TGM5: variants seen among roughly 807,000 people sequenced by gnomAD.
TGM5 encodes protein-glutamine gamma-glutamyltransferase 5.
A neutral mutation model predicts 77.2 loss-of-function variants in TGM5; 69 were observed. The ratio of observed to expected loss-of-function variants is 0.89; its 90% CI spans 0.74 to 1.09. The LOEUF (loss-of-function observed/expected upper bound fraction) is 1.09. TGM5 is among the 50% of genes least tolerant of loss of function. The probability of loss-of-function intolerance (pLI) is 0.00; values close to 1 mark genes in which losing one functional copy is unlikely to be tolerated. For missense variants in TGM5, 842 were observed against 896.5 expected, an observed-to-expected ratio of 0.94 and a Z score of 0.78; for synonymous variants, 346 against 351.8, an observed-to-expected ratio of 0.98 and a Z score of 0.18.
rs142169698 is a variant in TGM5 at position 43,254,695 on chromosome 15, C to T, written c.556-1061G>A. Reference sequence around the variant, plus strand: ...CTCCAGCAACACCAAATGTCTGCAGCGGGCCAAACCGTTTCCCACCCTCGT... The same window carrying T: ...CTCCAGCAACACCAAATGTCTGCAGTGGGCCAAACCGTTTCCCACCCTCGT... On this transcript the variant is annotated intron_variant, in intron 4 of 12. Coordinates refer to ENST00000220420, the MANE Select transcript of TGM5 (RefSeq NM_201631.4). Among the ~76,000 whole-genome samples the T allele has an allele frequency of 2.6e-3, 402 of 152,232 alleles. 1 individual carries two copies. The highest frequency in any genetic ancestry group is 0.013 in the South Asian group (62 of 4,820).
chr15:43,243,968 G>C (rs2042655434), intron 6 of TGM5, among the ~76,000 whole-genome samples: 2 of 152,184 alleles, frequency 1.3e-5, no homozygotes, highest in African/African-American at 4.8e-5. Flanking sequence ...GGCAGGAAGA[G>C]AAAAACCAGG....
chr15:43,246,488 C>A (rs1435072697), intron 6 of TGM5, among the ~76,000 whole-genome samples: 1 of 152,164 alleles, frequency 6.6e-6, no homozygotes, highest in Non-Finnish European at 1.5e-5. Flanking sequence ...TTGTCTTCCT[C>A]CCCAAAATAC....
At chr15:43,261,126 G>C (rs1440131118) in intron 1 of TGM5, among the ~76,000 whole-genome samples, 1 of 110,646 alleles carries the variant, frequency 9.0e-6, no homozygotes, top group African/African-American at 3.4e-5. Context: ...GTCTCACACT[G>C]TTGCCCAGGC....
intron 9 of TGM5, 69 bp from the exon 10 acceptor site, chr15:43,235,906 A>AT (rs986829425): frequency 6.3e-7 from 1 of 1,599,926 alleles, no homozygotes; most frequent in African/African-American, 1.3e-5. Context: ...GCTGAGCGCC[A>AT]TCCCCCACCC....
chr15:43,260,739 A>T, intron 1 of TGM5, 160 bp from the exon 2 acceptor site: 1 of 790,416 alleles, frequency 1.3e-6, no homozygotes, highest in Non-Finnish European at 2.2e-6. Context: ...CAGGATGAGG[A>T]TAAGGATGAG....
At chr15:43,261,935 C>CATAT (rs1253349575) in intron 1 of TGM5, among the ~76,000 whole-genome samples, 1 of 152,172 alleles carries the variant, frequency 6.6e-6, no homozygotes, top group Non-Finnish European at 1.5e-5. Context: ...TACAGTCTGC[C>CATAT]ATATAAAAGG....
chr15:43,256,546 C>T (rs1192848595), intron 4 of TGM5, 22 bp downstream of exon 4: 2 of 1,587,614 alleles, frequency 1.3e-6, no homozygotes, highest in Non-Finnish European at 1.7e-6. Context: ...CGGGATGGGC[C>T]ATAAGCAGGG....
In TGM5 at chr15:43,232,909, G is replaced by C; in HGVS notation, c.*282C>G. On this transcript the variant is annotated 3_prime_UTR_variant, in exon 13 of 13. Transcript: ENST00000220420. ...TCCTACCTGTTCTCTGGATGCTGGA[G>C]TCTCCTATTCATTCATTCAAAAAAT... 2.3e-6 allele frequency: 1 copy of C among 430,278 alleles called. No homozygotes were observed. The highest frequency in any genetic ancestry group is 4.3e-6 in the Non-Finnish European group (1 of 233,066). 26.7% of individuals were successfully genotyped at this position (430,278 alleles called of 1,614,324 possible). A position where few individuals can be genotyped will look rare whatever the true frequency, so the allele number is the denominator to read the frequency against.
At chr15:43,245,924 A>G (rs531261164) in intron 6 of TGM5, among the ~76,000 whole-genome samples, 1 of 151,934 alleles carries the variant, frequency 6.6e-6, no homozygotes, top group South Asian at 2.1e-4. Context: ...TAAATGGCAA[A>G]AAAGGCCCCT....
At chr15:43,242,969 G>A (rs543456042) in intron 6 of TGM5, among the ~76,000 whole-genome samples, 1 of 152,332 alleles carries the variant, frequency 6.6e-6, no homozygotes, top group African/African-American at 2.4e-5. Flanking sequence ...GGCAGGGAGG[G>A]AGAGCAGGGA....
chr15:43,235,359 G>C, intron 10 of TGM5, 110 bp downstream of exon 10: 3 of 1,466,412 alleles, frequency 2.0e-6, no homozygotes, highest in Non-Finnish European at 2.8e-6. Context: ...AGAGGGGACA[G>C]TAGAAATGAT....
chr15:43,260,272 C>A lies in TGM5; in HGVS notation c.216G>T (p.Gly72=). ...ETGPLPDLAL[G]TRAVFSLARH... is the part of the protein sequence containing the mutation. ...GTGCCAGGCTGAACACAGCCCGAGT[C>A]CCCAAGGCCAGGTCTGGCAGCGGTC... The change falls in exon 3 of 13, where the codon GGG becomes GGT. Residue 72 remains glycine (G), a synonymous_variant. Transcript: ENST00000220420. 1.9e-6 allele frequency: 3 copies of A among 1,614,004 alleles called. No homozygotes were observed. The highest frequency in any genetic ancestry group is 2.5e-6 in the Non-Finnish European group (3 of 1,180,024).
intron 6 of TGM5, among the ~76,000 whole-genome samples, 199 bp downstream of exon 6, chr15:43,252,560 C>T (rs893907979): frequency 1.3e-5 from 2 of 152,166 alleles, no homozygotes; most frequent in African/African-American, 4.8e-5. Context: ...TTGGGATCCA[C>T]CCACCTCGGG....
Position 43,260,315 on chromosome 15 carries a change from C to T in TGM5, c.191-18G>A. 1 of 1,614,148 alleles carries T rather than the reference C, an allele frequency of 6.2e-7. No homozygotes were observed. Among genetic ancestry groups the T allele is most frequent in the Non-Finnish European group, 8.5e-7 (1 of 1,180,018 alleles). ...CAGCGGTCCTAGGAGGGAAGTAGAG[C>T]TGAGGCCCTCCATGGCGACCTCCAA... On this transcript the variant is annotated intron_variant, in intron 2 of 12. Coordinates refer to ENST00000220420, the MANE Select transcript of TGM5 (RefSeq NM_201631.4).
At chr15:43,238,069 G>T (rs948143570) in intron 9 of TGM5, among the ~76,000 whole-genome samples, 2 of 152,106 alleles carry the variant, frequency 1.3e-5, no homozygotes, top group Non-Finnish European at 2.9e-5. Context: ...CCCTGCGTCT[G>T]TCCCCGAGGC....
intron 6 of TGM5, 161 bp from the exon 7 acceptor site, chr15:43,241,151 TC>T: frequency 1.1e-6 from 1 of 946,180 alleles, no homozygotes; most frequent in Non-Finnish European, 1.6e-6. Context: ...CCAACTTCCT[TC>T]CCCACTTCTG....
intron 11 of TGM5, among the ~76,000 whole-genome samples, chr15:43,234,409 G>A (rs2042571560): frequency 6.6e-6 from 1 of 152,148 alleles, no homozygotes; most frequent in Non-Finnish European, 1.5e-5. Flanking sequence ...GCCAAAAAAT[G>A]GCAAATCAAG....
intron 9 of TGM5, 132 bp downstream of exon 9, chr15:43,238,684 TG>T: frequency 7.1e-7 from 1 of 1,398,908 alleles, no homozygotes; most frequent in Non-Finnish European, 9.8e-7. Flanking sequence ...CCACCCCAAC[TG>T]GGGCCTCAAA....
chr15:43,256,142 C>G (rs2042740631), intron 4 of TGM5, among the ~76,000 whole-genome samples: 1 of 152,148 alleles, frequency 6.6e-6, no homozygotes, highest in East Asian at 1.9e-4. Context: ...GACAAGTTGT[C>G]CTTGGTGTGA....
Sources: gnomAD v4.1 joint callset for allele counts (sites outside exome capture counted in the v4.1 genomes callset) on GRCh38, gnomAD v4.1.1 for gene constraint, MANE v1.5 for transcripts, NCBI Gene and HGNC (gene_info 2026-07-23, HGNC 2026-07-21) for gene names.